CCSER1: variants seen among roughly 807,000 people sequenced by gnomAD.
CCSER1 encodes the protein serine-rich coiled-coil domain-containing protein 1.
CCSER1 carries 41 observed loss-of-function variants against 82.0 expected under a neutral mutation model. That is an observed-to-expected ratio of 0.50 (90% CI 0.39 to 0.65). The LOEUF is 0.65. Among genes scored for constraint, CCSER1 ranks in the 30% least tolerant of loss-of-function variants. The pLI is 0.00. For missense variants in CCSER1, 1,119 were observed against 1,064.2 expected (o/e 1.05, Z -0.72); for synonymous variants, 414 against 383.9 (o/e 1.08, Z -0.92).
chr4:90,379,411 C>T (rs911232704), intron 3 of CCSER1, among the ~76,000 whole-genome samples: 11 of 152,262 alleles, frequency 7.2e-5, no homozygotes, highest in African/African-American at 2.6e-4. Context: ...AGTTGAGGCT[C>T]TGAGGTTAAG....
At chr4:90,198,519 AAATAC>A (rs1737030368) in intron 1 of CCSER1, among the ~76,000 whole-genome samples, 1 of 152,156 alleles carries the variant, frequency 6.6e-6, no homozygotes, top group African/African-American at 2.4e-5. Flanking sequence ...TATCATGGTG[AAATAC>A]TTTTTGACCC....
chr4:90,164,203 GT>G (rs954832789), intron 1 of CCSER1, among the ~76,000 whole-genome samples: 44 of 149,414 alleles, frequency 2.9e-4, no homozygotes, highest in East Asian at 2.0e-4. Flanking sequence ...TTTAATAAGG[GT>G]TTTTTTTCAA....
chr4:91,205,668 C>A (rs1287126545), intron 10 of CCSER1, among the ~76,000 whole-genome samples: 4 of 151,302 alleles, frequency 2.6e-5, no homozygotes, highest in Non-Finnish European at 4.4e-5. Flanking sequence ...CTCCCTCCCT[C>A]CTACCCTCCC....
chr4:91,424,641 T>A (rs1466133600), intron 10 of CCSER1, among the ~76,000 whole-genome samples: 1 of 152,158 alleles, frequency 6.6e-6, no homozygotes, highest in Non-Finnish European at 1.5e-5. Flanking sequence ...TGAGTTTCTA[T>A]AAATTAGTTA....
At chr4:91,519,294 TG>T (rs1449719394) in intron 10 of CCSER1, among the ~76,000 whole-genome samples, 2 of 152,046 alleles carry the variant, frequency 1.3e-5, no homozygotes, top group African/African-American at 2.4e-5. Flanking sequence ...GCAGCAAAGG[TG>T]AGGGCTTCAA....
intron 5 of CCSER1, among the ~76,000 whole-genome samples, chr4:90,610,700 C>T (rs1039056848): frequency 1.3e-5 from 2 of 152,100 alleles, no homozygotes; most frequent in African/African-American, 4.8e-5. Flanking sequence ...TTATGATGAA[C>T]ATCATATTTT....
At chr4:91,499,056 T>C (rs895362367) in intron 10 of CCSER1, among the ~76,000 whole-genome samples, 21 of 151,972 alleles carry the variant, frequency 1.4e-4, no homozygotes, top group Admixed American at 6.6e-4. Flanking sequence ...TCTATACTTA[T>C]GCAGGAATTT....
At chr4:91,194,269 T>C (rs754410845) in intron 10 of CCSER1, among the ~76,000 whole-genome samples, 5 of 152,306 alleles carry the variant, frequency 3.3e-5, no homozygotes, top group Admixed American at 6.5e-5. Context: ...TATTCTTATT[T>C]TAAAGTAATG....
At chr4:91,167,616 C>G (rs1009423048) in intron 10 of CCSER1, among the ~76,000 whole-genome samples, 7 of 151,982 alleles carry the variant, frequency 4.6e-5, no homozygotes, top group Admixed American at 2.0e-4. Flanking sequence ...TTTTTTTGGA[C>G]AGTTTGAGTG....
chr4:91,343,844 G>A (rs1747880919), intron 10 of CCSER1, among the ~76,000 whole-genome samples: 1 of 152,088 alleles, frequency 6.6e-6, no homozygotes, highest in Non-Finnish European at 1.5e-5. Context: ...ATAGTCTATA[G>A]CAAGTGGTAC....
intron 4 of CCSER1, among the ~76,000 whole-genome samples, chr4:90,410,582 G>T (rs144950718): frequency 6.6e-6 from 1 of 152,050 alleles, no homozygotes; most frequent in African/African-American, 2.4e-5. Flanking sequence ...TGAAACCAAC[G>T]AGAACAAAGA....
At chr4:90,461,281 A>T (rs1762889315) in intron 4 of CCSER1, among the ~76,000 whole-genome samples, 1 of 144,082 alleles carries the variant, frequency 6.9e-6, no homozygotes, top group Non-Finnish European at 1.5e-5. Flanking sequence ...TTTAGCCGGG[A>T]TGGTCTCGAT....
rs148166262 is a variant in CCSER1, at chr4:90,696,857, T to G, written c.1933-27057T>G. On this transcript the variant is annotated intron_variant, in intron 6 of 10. Transcript: ENST00000509176. ...ATACCTGTGGAGCTGATATTTGAAA[T>G]CAAACAGCCTGAGACTCAGAACAAA... 1.4e-3 allele frequency among the ~76,000 whole-genome samples: 209 copies of G among 152,220 alleles called. 1 individual carries two copies. The highest frequency in any genetic ancestry group is 6.8e-3 in the Middle Eastern group (2 of 294).
chr4:91,509,455 T>G (rs1560726279), intron 10 of CCSER1, among the ~76,000 whole-genome samples: 1 of 152,162 alleles, frequency 6.6e-6, no homozygotes, highest in Non-Finnish European at 1.5e-5. Flanking sequence ...TTTGTATGGC[T>G]TTAATCATTT....
At chr4:91,286,160 C>A (rs1197242826) in intron 10 of CCSER1, among the ~76,000 whole-genome samples, 5 of 151,546 alleles carry the variant, frequency 3.3e-5, no homozygotes, top group African/African-American at 1.2e-4. Flanking sequence ...AATTTAGCAA[C>A]AGAGAGGGAT....
At chr4:91,373,274 T>C (rs184982853) in intron 10 of CCSER1, among the ~76,000 whole-genome samples, 2 of 152,310 alleles carry the variant, frequency 1.3e-5, no homozygotes, top group Admixed American at 6.5e-5. Context: ...GTGCTTTTCT[T>C]TGTTGCACTT....
chr4:90,956,207 A>G (rs1701377965), intron 9 of CCSER1, among the ~76,000 whole-genome samples: 1 of 152,194 alleles, frequency 6.6e-6, no homozygotes, highest in African/African-American at 2.4e-5. Context: ...AATGATTTTT[A>G]TATAATTTCA....
chr4:91,275,037 C>T lies in CCSER1; in HGVS notation c.2217+189043C>T, dbSNP rs537074230. Among the ~76,000 whole-genome samples, 73 of 151,792 alleles carry T rather than the reference C, an allele frequency of 4.8e-4. No individual in the cohort carries two copies. The East Asian group carries it at 0.011, about 22-fold the overall frequency. Reference sequence around the variant, plus strand: ...AGGAGAATGGTGTGAGCCCGGGAGGCAGAGCTTGCAGTGAGCCGAGATCGC... The same window carrying T: ...AGGAGAATGGTGTGAGCCCGGGAGGTAGAGCTTGCAGTGAGCCGAGATCGC... On this transcript the variant is annotated intron_variant, in intron 10 of 10. Coordinates refer to ENST00000509176, the MANE Select transcript of CCSER1 (RefSeq NM_001145065.2).
intron 4 of CCSER1, among the ~76,000 whole-genome samples, chr4:90,460,237 A>G (rs1338058950): frequency 7.0e-6 from 1 of 142,728 alleles, no homozygotes; most frequent in African/African-American, 2.8e-5. Flanking sequence ...AGGCAGGAGA[A>G]TGGCGTGAAC....
Sources: gnomAD v4.1 joint callset for allele counts (sites outside exome capture counted in the v4.1 genomes callset) on GRCh38, gnomAD v4.1.1 for gene constraint, MANE v1.5 for transcripts, NCBI Gene and HGNC (gene_info 2026-07-23, HGNC 2026-07-21) for gene names.